The following SLC22A24 variants were observed in gnomAD, a reference collection of about 807,000 sequenced individuals.
The protein encoded by SLC22A24 is solute carrier family 22 member 24, also known as steroid transmembrane transporter SLC22A24.
SLC22A24 carries 53 observed loss-of-function variants against 49.8 expected under a neutral mutation model. That is an observed-to-expected ratio of 1.06 (90% CI 0.85 to 1.34). SLC22A24 has a LOEUF of 1.34. SLC22A24 is among the 40% of genes most tolerant of loss of function. The pLI, the probability that SLC22A24 is intolerant of heterozygous loss-of-function variation, is 0.00. For missense variants in SLC22A24, 786 were observed against 675.9 expected, an observed-to-expected ratio of 1.16 and a Z score of -1.81; for synonymous variants, 302 against 256.4, an observed-to-expected ratio of 1.18 and a Z score of -1.70.
intron 4 of SLC22A24, among the ~76,000 whole-genome samples, chr11:63,105,206 T>A (rs1435906967): frequency 6.6e-6 from 1 of 152,242 alleles, no homozygotes; most frequent in Admixed American, 6.5e-5. Context: ...TACTGGATGC[T>A]TTTGCAGTCT....
intron 1 of SLC22A24, among the ~76,000 whole-genome samples, chr11:63,142,159 T>G (rs2087419606): frequency 6.6e-6 from 1 of 152,160 alleles, no homozygotes; most frequent in South Asian, 2.1e-4. Context: ...ACACAAGCCT[T>G]GGAAGCCCAT....
intron 4 of SLC22A24, among the ~76,000 whole-genome samples, chr11:63,117,024 A>G (rs1370333396): frequency 1.3e-5 from 2 of 151,998 alleles, no homozygotes; most frequent in Non-Finnish European, 2.9e-5. Context: ...ATTCTTGAGC[A>G]TATTTAACTT....
intron 5 of SLC22A24, among the ~76,000 whole-genome samples, chr11:63,097,238 AAAAC>A (rs1434745311): frequency 6.6e-6 from 1 of 152,094 alleles, no homozygotes; most frequent in Admixed American, 6.6e-5. Context: ...CAAGAAAAAA[AAAAC>A]AACCCCATCA....
intron 6 of SLC22A24, among the ~76,000 whole-genome samples, chr11:63,086,278 A>G (rs1466012187): frequency 6.6e-6 from 1 of 152,200 alleles, no homozygotes; most frequent in African/African-American, 2.4e-5. Flanking sequence ...AAGACCTAGA[A>G]TCAACCTAAA....
chr11:63,124,514 T>C (rs4963247), intron 2 of SLC22A24, among the ~76,000 whole-genome samples: 120,999 of 152,108 alleles, frequency 0.8, 49,212 homozygotes, highest in East Asian at 0.9. Flanking sequence ...TGATAGGAGG[T>C]TGAACTTGAT....
chr11:63,095,509 G>A (rs780753123), intron 6 of SLC22A24, among the ~76,000 whole-genome samples: 3 of 152,106 alleles, frequency 2.0e-5, no homozygotes, highest in Non-Finnish European at 4.4e-5. Context: ...AATGTAATCT[G>A]CAGGGATAGC....
At chr11:63,121,053 C>T (rs762287069) in intron 2 of SLC22A24, among the ~76,000 whole-genome samples, 25 of 152,198 alleles carry the variant, frequency 1.6e-4, no homozygotes, top group Admixed American at 5.9e-4. Context: ...AGGAGATACT[C>T]TGATGGTAGA....
chr11:63,132,230 T>C (rs1027146030), intron 2 of SLC22A24, among the ~76,000 whole-genome samples: 1 of 152,224 alleles, frequency 6.6e-6, no homozygotes, highest in Non-Finnish European at 1.5e-5. Flanking sequence ...TAGAACATGC[T>C]TCTTTAGCTT....
At chr11:63,106,809 G>A (rs985735903) in intron 4 of SLC22A24, among the ~76,000 whole-genome samples, 30 of 152,072 alleles carry the variant, frequency 2.0e-4, no homozygotes, top group Admixed American at 7.2e-4. Flanking sequence ...GTTTGAGTTC[G>A]TTGTAGATTC....
intron 9 of SLC22A24, among the ~76,000 whole-genome samples, chr11:63,080,287 T>C (rs1385418556): frequency 6.6e-6 from 1 of 152,210 alleles, no homozygotes; most frequent in East Asian, 1.9e-4. Flanking sequence ...ATTTTAAAGC[T>C]ATTGTCTTAT....
rs118116357 is a variant in SLC22A24 at position 63,082,328 on chromosome 11, C to T, written c.1286-662G>A. On this transcript the variant is annotated intron_variant, in intron 7 of 9. Coordinates refer to ENST00000612278, the MANE Select transcript of SLC22A24 (RefSeq NM_001136506.2). ...ATAATATCACACTGGGAACCATTGA[C>T]ACTGAAAATTCAAAAAGGTACTTTT... 4.5e-3 allele frequency among the ~76,000 whole-genome samples: 690 copies of T among 152,210 alleles called. 2 individuals are homozygous for T. The highest frequency in any genetic ancestry group is 6.8e-3 in the Non-Finnish European group (463 of 68,010).
chr11:63,103,979 T>C (rs2087105555), intron 5 of SLC22A24, among the ~76,000 whole-genome samples, 196 bp downstream of exon 5: 1 of 152,206 alleles, frequency 6.6e-6, no homozygotes, highest in Non-Finnish European at 1.5e-5. Context: ...AACAATTATA[T>C]CCACTTCTCC....
intron 2 of SLC22A24, among the ~76,000 whole-genome samples, chr11:63,130,804 TGGGATCAGTGGTGCTGG>T (rs1456860123): frequency 6.6e-6 from 1 of 152,034 alleles, no homozygotes; most frequent in Admixed American, 6.6e-5. Context: ...TGTATTTCTG[TGGGATCAGTGGTGCTGG>T]ATATCCTTGT....
chr11:63,101,908 A>T (rs1159390629), intron 5 of SLC22A24, among the ~76,000 whole-genome samples: 1 of 152,062 alleles, frequency 6.6e-6, no homozygotes, highest in Non-Finnish European at 1.5e-5. Flanking sequence ...ATACATGGAG[A>T]TAAAGAGTAG....
intron 4 of SLC22A24, chr11:63,115,802 C>T (rs536720008): frequency 5.5e-6 from 1 of 180,476 alleles, no homozygotes; most frequent in South Asian, 1.9e-4. Flanking sequence ...CAGAGGACCC[C>T]AGCCCCATGC....
chr11:63,126,042 T>G (rs2087288141), intron 2 of SLC22A24, among the ~76,000 whole-genome samples: 2 of 152,012 alleles, frequency 1.3e-5, no homozygotes, highest in Non-Finnish European at 1.5e-5. Context: ...TAAGTTCTTT[T>G]TAGATTCTGG....
intron 6 of SLC22A24, among the ~76,000 whole-genome samples, chr11:63,084,272 C>A (rs1477380778): frequency 6.6e-6 from 1 of 152,130 alleles, no homozygotes; most frequent in Non-Finnish European, 1.5e-5. Context: ...GTTATTAAAT[C>A]ATCAGAATTG....
chr11:63,111,949 C>G (rs1425571855), intron 4 of SLC22A24, among the ~76,000 whole-genome samples: 1 of 151,832 alleles, frequency 6.6e-6, no homozygotes, highest in African/African-American at 2.4e-5. Flanking sequence ...GTTAGGGTGT[C>G]AATTTTGGAT....
At chr11:63,085,559 A>AT (rs1312484576) in intron 6 of SLC22A24, among the ~76,000 whole-genome samples, 1 of 152,196 alleles carries the variant, frequency 6.6e-6, no homozygotes, top group Non-Finnish European at 1.5e-5. Flanking sequence ...GCATAGTTCC[A>AT]TTTTTTGACT....
Sources: gnomAD v4.1 joint callset for allele counts (sites outside exome capture counted in the v4.1 genomes callset) on GRCh38, gnomAD v4.1.1 for gene constraint, MANE v1.5 for transcripts, NCBI Gene and HGNC (gene_info 2026-07-23, HGNC 2026-07-21) for gene names.